The following NDRG2 variants were observed in gnomAD, a reference collection of about 807,000 sequenced individuals.
NDRG2 encodes the protein protein NDRG2.
In NDRG2, 34 loss-of-function variants were observed where a neutral mutation model predicts 58.2. The observed-to-expected ratio is 0.58, with a 90% CI of 0.44 to 0.78. The LOEUF (loss-of-function observed/expected upper bound fraction) is 0.78. Among genes scored for constraint, NDRG2 ranks in the 30% least tolerant of loss-of-function variants. The pLI is 0.00. For missense variants in NDRG2, 434 were observed against 471.2 expected (o/e 0.92, Z 0.73); for synonymous variants, 187 against 175.9 (o/e 1.06, Z -0.50).
intron 1 of NDRG2, among the ~76,000 whole-genome samples, chr14:21,051,857 C>T (rs1270655085): frequency 6.6e-6 from 1 of 152,210 alleles, no homozygotes; most frequent in African/African-American, 2.4e-5. Context: ...AGACGACCCT[C>T]GTGGTACTGC....
intron 1 of NDRG2, among the ~76,000 whole-genome samples, chr14:21,035,435 T>G (rs1386026660): frequency 2.0e-5 from 3 of 152,204 alleles, no homozygotes; most frequent in Non-Finnish European, 4.4e-5. Flanking sequence ...TTCATCAACA[T>G]CTTCCCTTTC....
chr14:21,060,419 T>A (rs1885897362), intron 1 of NDRG2, among the ~76,000 whole-genome samples: 1 of 152,146 alleles, frequency 6.6e-6, no homozygotes, highest in Non-Finnish European at 1.5e-5. Flanking sequence ...CATTCTTCCA[T>A]CCCCTGGCTT....
intron 1 of NDRG2, chr14:21,043,236 A>G: frequency 6.2e-7 from 1 of 1,614,188 alleles, no homozygotes; most frequent in Non-Finnish European, 8.5e-7. Flanking sequence ...TGTGGCCGCC[A>G]CCTGCCAGAC....
intron 14 of NDRG2, 48 bp from the exon 15 acceptor site, chr14:21,018,086 G>A: frequency 6.2e-7 from 1 of 1,606,724 alleles, no homozygotes; most frequent in Non-Finnish European, 8.5e-7. Flanking sequence ...GAGGTTAGAG[G>A]AAGAGCTGGA....
At chr14:21,030,779 G>T (rs1433770782), upstream of NDRG2, 2 of 1,610,436 alleles carry the variant, frequency 1.2e-6, no homozygotes, top group Non-Finnish European at 8.5e-7. Flanking sequence ...ATATGGAGGT[G>T]GGGGTGAGAA....
At chr14:21,036,055 T>A (rs1041513445) in intron 1 of NDRG2, 18 of 386,750 alleles carry the variant, frequency 4.7e-5, no homozygotes, top group Non-Finnish European at 8.7e-5. Context: ...TCCATTAAGA[T>A]GTATATCAAG....
intron 1 of NDRG2, among the ~76,000 whole-genome samples, chr14:21,065,069 G>T (rs11622309): frequency 0.12 from 18,748 of 151,974 alleles, 1,470 homozygotes; most frequent in Admixed American, 0.2. Flanking sequence ...TACTTGGGAG[G>T]CTGAGGCAGG....
At chr14:21,043,256 A>C in intron 1 of NDRG2, 1 of 1,614,148 alleles carries the variant, frequency 6.2e-7, no homozygotes, top group Non-Finnish European at 8.5e-7. Flanking sequence ...CCCCCAAAAT[A>C]GCCTGCAAGA....
intron 1 of NDRG2, chr14:21,032,147 A>G (rs1884245661): frequency 2.0e-6 from 3 of 1,506,622 alleles, no homozygotes; most frequent in South Asian, 1.2e-5. Context: ...TTGGAAAACA[A>G]TAAACATCTG....
intron 1 of NDRG2, among the ~76,000 whole-genome samples, chr14:21,064,305 T>TA (rs1162782681): frequency 6.6e-6 from 1 of 151,668 alleles, no homozygotes; most frequent in African/African-American, 2.4e-5. Flanking sequence ...ATGCCTTTTT[T>TA]TTTTTATTAT....
chr14:21,032,489 C>T, intron 1 of NDRG2: 1 of 364,564 alleles, frequency 2.7e-6, no homozygotes, highest in Non-Finnish European at 5.4e-6. Context: ...GACTATATCA[C>T]ATATTAGATC....
In NDRG2 at chr14:21,024,724, C is replaced by G; in HGVS notation, c.-701G>C. The G allele has an allele frequency of 1.0e-6, 1 of 985,450 alleles. No individual in the cohort carries two copies. Among genetic ancestry groups the G allele is most frequent in the Non-Finnish European group, 1.2e-6 (1 of 829,966 alleles). 61.0% of individuals were successfully genotyped at this position (985,450 alleles called of 1,614,324 possible). A position where few individuals can be genotyped will look rare whatever the true frequency, so the allele number is the denominator to read the frequency against. ...GAAGGGATGGGTAGGACAGAGGAGA[C>G]CGGCCGGGCCCAGCACCCGGAACCC... is the stretch of plus-strand genomic sequence containing the variant. On this transcript the variant is annotated 5_prime_UTR_variant, in exon 1 of 16. Transcript: ENST00000556147.
At chr14:21,059,187 G>C (rs899676601) in intron 1 of NDRG2, among the ~76,000 whole-genome samples, 1 of 152,198 alleles carries the variant, frequency 6.6e-6, no homozygotes, top group African/African-American at 2.4e-5. Flanking sequence ...ACGTGACCCA[G>C]AGCAGGACCC....
intron 1 of NDRG2, among the ~76,000 whole-genome samples, chr14:21,048,880 A>C (rs1285241558): frequency 1.3e-5 from 2 of 152,192 alleles, no homozygotes; most frequent in Non-Finnish European, 2.9e-5. Context: ...TAGATAAGGG[A>C]AGGTTCAAGG....
chr14:21,042,572 C>T (rs1160725020), intron 1 of NDRG2: 3 of 197,602 alleles, frequency 1.5e-5, no homozygotes, highest in Non-Finnish European at 3.1e-5. Context: ...GATGAGGACA[C>T]GCATTGGGGA....
At chr14:21,022,693 T>G (rs1881243283) in intron 3 of NDRG2, 171 bp downstream of exon 3, 2 of 673,854 alleles carry the variant, frequency 3.0e-6, no homozygotes, top group African/African-American at 1.8e-5. Context: ...TAATGAAGAT[T>G]AGAGAGAGAA....
chr14:21,036,722 C>T (rs931123346), intron 1 of NDRG2, among the ~76,000 whole-genome samples: 7 of 152,196 alleles, frequency 4.6e-5, no homozygotes, highest in African/African-American at 1.4e-4. Flanking sequence ...GCTGCTGCAC[C>T]GTTCCTCGCC....
intron 1 of NDRG2, chr14:21,036,296 T>G (rs796988563): frequency 8.8e-6 from 4 of 456,108 alleles, no homozygotes; most frequent in African/African-American, 6.0e-5. Flanking sequence ...TGATCCCTTC[T>G]TTCGTCTAAA....
At chr14:21,050,011 A>G (rs1885394052) in intron 1 of NDRG2, among the ~76,000 whole-genome samples, 5 of 152,130 alleles carry the variant, frequency 3.3e-5, no homozygotes, top group Admixed American at 6.5e-5. Context: ...TCCTGACCTC[A>G]TGTTCTGCCT....
Sources: gnomAD v4.1 joint callset for allele counts (sites outside exome capture counted in the v4.1 genomes callset) on GRCh38, gnomAD v4.1.1 for gene constraint, MANE v1.5 for transcripts, NCBI Gene and HGNC (gene_info 2026-07-23, HGNC 2026-07-21) for gene names.